Variants in SLC35F1 observed in about 807,000 individuals in gnomAD.
SLC35F1 encodes the protein chromosome 6 open reading frame 169.
A neutral mutation model predicts 48.7 loss-of-function variants in SLC35F1; 14 were observed. The ratio of observed to expected loss-of-function variants is 0.29; its 90% CI spans 0.19 to 0.45. SLC35F1 has a LOEUF of 0.45. Ranked by LOEUF, SLC35F1 falls within the 20% of genes least tolerant of loss-of-function variation. The pLI is 1.00. For missense variants in SLC35F1, 404 were observed against 500.0 expected, an observed-to-expected ratio of 0.81 and a Z score of 1.83; for synonymous variants, 190 against 202.2, an observed-to-expected ratio of 0.94 and a Z score of 0.51.
At chr6:118,039,808 GTT>G (rs201281915) in intron 1 of SLC35F1, among the ~76,000 whole-genome samples, 1 of 119,206 alleles carries the variant, frequency 8.4e-6, no homozygotes. Flanking sequence ...TGTTTTTTTT[GTT>G]TTTTTTTTTT....
At chr6:118,193,856 T>G (rs1003801002) in intron 2 of SLC35F1, among the ~76,000 whole-genome samples, 1 of 152,204 alleles carries the variant, frequency 6.6e-6, no homozygotes, top group Non-Finnish European at 1.5e-5. Flanking sequence ...AGAAGCAGTT[T>G]ATAACCTTAA....
At chr6:118,185,868 A>T (rs944137332) in intron 2 of SLC35F1, among the ~76,000 whole-genome samples, 1 of 152,166 alleles carries the variant, frequency 6.6e-6, no homozygotes, top group Non-Finnish European at 1.5e-5. Flanking sequence ...AGTGTCTGGC[A>T]CATATTAGGA....
chr6:118,081,289 A>G (rs1772904112), intron 1 of SLC35F1, among the ~76,000 whole-genome samples: 2 of 152,152 alleles, frequency 1.3e-5, no homozygotes, highest in Non-Finnish European at 2.9e-5. Flanking sequence ...GAATGATGAA[A>G]TTAAATAGCT....
chr6:118,173,393 AAAC>A (rs1374174565), intron 2 of SLC35F1, among the ~76,000 whole-genome samples: 54 of 129,768 alleles, frequency 4.2e-4, no homozygotes, highest in African/African-American at 1.7e-3. Context: ...GTTAAAAAAA[AAAC>A]AAAAAACAAA....
At chr6:118,099,544 T>G (rs993250355) in intron 1 of SLC35F1, among the ~76,000 whole-genome samples, 1 of 149,052 alleles carries the variant, frequency 6.7e-6, no homozygotes, top group African/African-American at 2.5e-5. Flanking sequence ...CCCCCAAGAA[T>G]TCCTATACTC....
intron 2 of SLC35F1, among the ~76,000 whole-genome samples, chr6:118,157,206 C>T (rs762739057): frequency 3.0e-4 from 46 of 152,168 alleles, no homozygotes; most frequent in Non-Finnish European, 5.6e-4. Context: ...GCTGTGAGGG[C>T]AGTGTGGCTT....
intron 1 of SLC35F1, among the ~76,000 whole-genome samples, chr6:118,072,207 GATTTTTATTT>G (rs1483277842): frequency 3.3e-5 from 5 of 152,212 alleles, no homozygotes; most frequent in African/African-American, 1.2e-4. Flanking sequence ...ATTTCCAAGA[GATTTTTATTT>G]TTTTGTTCCT....
intron 1 of SLC35F1, among the ~76,000 whole-genome samples, chr6:118,021,591 T>C (rs1464144613): frequency 6.6e-6 from 1 of 152,196 alleles, no homozygotes; most frequent in Admixed American, 6.5e-5. Context: ...CTGTACTTGC[T>C]AAGGATGGTT....
chr6:118,076,431 G>T (rs926472307), intron 1 of SLC35F1, among the ~76,000 whole-genome samples: 1 of 152,130 alleles, frequency 6.6e-6, no homozygotes, highest in African/African-American at 2.4e-5. Flanking sequence ...GGTTCTACAG[G>T]CCGTACAGGA....
chr6:117,954,795 C>G (rs899945270), intron 1 of SLC35F1, among the ~76,000 whole-genome samples: 2 of 152,144 alleles, frequency 1.3e-5, no homozygotes, highest in African/African-American at 2.4e-5. Flanking sequence ...TAATCACAGG[C>G]TGTGTCCTTT....
At chr6:118,191,104 G>GT (rs893717575) in intron 2 of SLC35F1, among the ~76,000 whole-genome samples, 1 of 152,132 alleles carries the variant, frequency 6.6e-6, no homozygotes, top group African/African-American at 2.4e-5. Flanking sequence ...TTCTAGAAGA[G>GT]TAAAGGCCTC....
intron 1 of SLC35F1, among the ~76,000 whole-genome samples, chr6:117,931,348 GT>G (rs1776099614): frequency 6.6e-6 from 1 of 152,122 alleles, no homozygotes; most frequent in South Asian, 2.1e-4. Context: ...TAGTATACAG[GT>G]TGTTCTGTAA....
intron 2 of SLC35F1, among the ~76,000 whole-genome samples, chr6:118,222,145 T>G (rs1046583784): frequency 6.6e-6 from 1 of 152,176 alleles, no homozygotes; most frequent in African/African-American, 2.4e-5. Context: ...CCCTGGGAAT[T>G]TGTTCTAATG....
At chr6:118,007,654 T>C (rs958528283) in intron 1 of SLC35F1, among the ~76,000 whole-genome samples, 1 of 152,158 alleles carries the variant, frequency 6.6e-6, no homozygotes, top group African/African-American at 2.4e-5. Context: ...TTTATTAGAA[T>C]TTTTTTGCTG....
At chr6:118,240,169 T>C (rs1775418770) in intron 3 of SLC35F1, among the ~76,000 whole-genome samples, 1 of 152,216 alleles carries the variant, frequency 6.6e-6, no homozygotes, top group African/African-American at 2.4e-5. Flanking sequence ...TATGGGAGCT[T>C]ATGAACTTCT....
intron 1 of SLC35F1, among the ~76,000 whole-genome samples, chr6:117,935,282 T>C (rs988153138): frequency 1.3e-5 from 2 of 152,208 alleles, no homozygotes; most frequent in Admixed American, 1.3e-4. Context: ...ATACAGTTGA[T>C]TTTTATTATT....
chr6:118,311,068 C>T (rs1196875931), intron 7 of SLC35F1, among the ~76,000 whole-genome samples: 1 of 152,184 alleles, frequency 6.6e-6, no homozygotes, highest in Non-Finnish European at 1.5e-5. Context: ...AAGTTTATGA[C>T]ATCTCCAATG....
At chr6:117,912,110 G>A (rs1057127792) in intron 1 of SLC35F1, among the ~76,000 whole-genome samples, 1 of 152,186 alleles carries the variant, frequency 6.6e-6, no homozygotes, top group Non-Finnish European at 1.5e-5. Context: ...ACAGTGGGTT[G>A]TCTCAAATTA....
At chr6:118,233,212 G>A (rs1056247722) in intron 2 of SLC35F1, among the ~76,000 whole-genome samples, 4 of 152,166 alleles carry the variant, frequency 2.6e-5, no homozygotes, top group African/African-American at 4.8e-5. Flanking sequence ...TGATCTGCCC[G>A]CCTCAGCCTC....
Sources: gnomAD v4.1 joint callset for allele counts (sites outside exome capture counted in the v4.1 genomes callset) on GRCh38, gnomAD v4.1.1 for gene constraint, MANE v1.5 for transcripts, NCBI Gene and HGNC (gene_info 2026-07-23, HGNC 2026-07-21) for gene names.